TBC1D30: variants seen among roughly 807,000 people sequenced by gnomAD.
The protein encoded by TBC1D30 is TBC1 domain family member 30, also known as TBC1 domain family, member 30.
Under a neutral mutation model 63.2 loss-of-function variants are expected in TBC1D30, and 31 were observed. That is an observed-to-expected ratio of 0.49 (90% CI 0.37 to 0.66). The LOEUF is 0.66. Ranked by LOEUF, TBC1D30 falls within the 30% of genes least tolerant of loss-of-function variation. TBC1D30 has a pLI of 0.00. For synonymous variants in TBC1D30, 307 were observed against 361.5 expected (o/e 0.85, Z 1.71); for missense variants, 810 against 953.6 (o/e 0.85, Z 1.98).
intron 8 of TBC1D30, among the ~76,000 whole-genome samples, chr12:64,854,204 T>C (rs775455076): frequency 6.6e-6 from 1 of 152,220 alleles, no homozygotes; most frequent in Non-Finnish European, 1.5e-5. Flanking sequence ...GATTTTTCTC[T>C]GGTGGTGTGC....
intron 8 of TBC1D30, among the ~76,000 whole-genome samples, chr12:64,855,567 C>T (rs1445037883): frequency 2.0e-5 from 3 of 152,110 alleles, no homozygotes; most frequent in Admixed American, 6.5e-5. Flanking sequence ...AGCCTGTCTT[C>T]AAGCTCACTA....
upstream of TBC1D30, among the ~76,000 whole-genome samples, chr12:64,779,846 G>A (rs1034488722): frequency 6.6e-6 from 1 of 152,188 alleles, no homozygotes; most frequent in Non-Finnish European, 1.5e-5. Flanking sequence ...GTTAAAGTGA[G>A]GATTAAGTGG....
At chr12:64,840,777 G>T (rs1466504860) in intron 7 of TBC1D30, among the ~76,000 whole-genome samples, 3 of 152,158 alleles carry the variant, frequency 2.0e-5, no homozygotes, top group African/African-American at 7.2e-5. Context: ...ATAATAAATG[G>T]CTGGTCTTTT....
intron 2 of TBC1D30, among the ~76,000 whole-genome samples, chr12:64,794,793 C>G (rs1872153241): frequency 6.6e-6 from 1 of 152,078 alleles, no homozygotes; most frequent in African/African-American, 2.4e-5. Flanking sequence ...GATTTATTTC[C>G]TTGGAGATTA....
intron 9 of TBC1D30, among the ~76,000 whole-genome samples, chr12:64,865,237 T>C (rs2136460524): frequency 7.0e-6 from 1 of 142,820 alleles, no homozygotes; most frequent in East Asian, 2.0e-4. Context: ...AAAATGAGAG[T>C]CAGACCTCAT....
At chr12:64,778,643 G>A (rs1235905449), upstream of TBC1D30, among the ~76,000 whole-genome samples, 3 of 134,492 alleles carry the variant, frequency 2.2e-5, no homozygotes, top group South Asian at 2.6e-4. Context: ...TGCAACCTCC[G>A]CCTCCTGGGT....
At chr12:64,771,141 A>G (rs971591035) in intron 1 of TBC1D30, among the ~76,000 whole-genome samples, 2 of 152,036 alleles carry the variant, frequency 1.3e-5, no homozygotes, top group Non-Finnish European at 2.9e-5. Context: ...TCCTGGTAGC[A>G]GGTCCTAGCT....
At chr12:64,815,838 G>A (rs781477756) in intron 2 of TBC1D30, among the ~76,000 whole-genome samples, 9 of 151,680 alleles carry the variant, frequency 5.9e-5, no homozygotes, top group Non-Finnish European at 1.2e-4. Flanking sequence ...AAGGCTGGTA[G>A]TATGGTGATG....
chr12:64,786,072 T>G, intron 2 of TBC1D30: 1 of 1,270,304 alleles, frequency 7.9e-7, no homozygotes, highest in Non-Finnish European at 1.0e-6. Context: ...GGTTACTTCT[T>G]TTGCCACATG....
chr12:64,838,695 C>T lies in TBC1D30; in HGVS notation c.776C>T (p.Pro259Leu). The T allele has an allele frequency of 6.5e-7, 1 of 1,536,450 alleles. No individual in the cohort carries two copies. The highest frequency in any genetic ancestry group is 2.4e-5 in the East Asian group (1 of 40,904). The change falls in exon 7 of 12, where the codon CCC becomes CTC. Residue 259 changes from proline (P) to leucine (L), a missense_variant. Physicochemically the swap from Pro to Leu is moderately conservative, Grantham distance 98. Coordinates refer to ENST00000539867, the MANE Select transcript of TBC1D30 (RefSeq NM_015279.2). ...ANKESGGGYEPPLTNVFTMQW... is the reference protein window; with the variant it reads ...ANKESGGGYELPLTNVFTMQW... ...TGTTTTATTTCAGGTGGATATGAGCCCCCACTTACAAATGTCTTCACGATG... is the reference window on the plus strand; with the variant it reads ...TGTTTTATTTCAGGTGGATATGAGCTCCCACTTACAAATGTCTTCACGATG...
intron 2 of TBC1D30, among the ~76,000 whole-genome samples, chr12:64,793,489 CAAAAAA>C (rs56138627): frequency 8.7e-6 from 1 of 115,490 alleles, no homozygotes. Context: ...ACCAAAAATA[CAAAAAA>C]AAAAAAAAAA....
chr12:64,793,506 A>C (rs1872063243), intron 2 of TBC1D30, among the ~76,000 whole-genome samples: 1 of 150,946 alleles, frequency 6.6e-6, no homozygotes, highest in African/African-American at 2.4e-5. Context: ...AAAAAAAAAA[A>C]AGAATTAGCT....
chr12:64,824,290 G>T (rs562971820), upstream of TBC1D30, among the ~76,000 whole-genome samples: 1 of 152,226 alleles, frequency 6.6e-6, no homozygotes, highest in South Asian at 2.1e-4. Context: ...GGGCTGAAGC[G>T]TGTGCCTCGC....
chr12:64,800,071 A>C (rs1592560918), intron 2 of TBC1D30, among the ~76,000 whole-genome samples: 2 of 152,238 alleles, frequency 1.3e-5, no homozygotes, highest in African/African-American at 4.8e-5. Context: ...GCGTCATTAC[A>C]CTCCAGCCTG....
intron 1 of TBC1D30, among the ~76,000 whole-genome samples, chr12:64,760,918 T>C (rs545362920): frequency 1.7e-4 from 26 of 151,754 alleles, no homozygotes; most frequent in Middle Eastern, 3.4e-3. Context: ...GTAGGGGTGG[T>C]AACTCACACA....
intron 1 of TBC1D30, 97 bp from the exon 2 acceptor site, chr12:64,827,737 AT>A (rs1874486815): frequency 1.1e-6 from 1 of 874,286 alleles, no homozygotes; most frequent in African/African-American, 1.7e-5. Context: ...TTTAAAAAAA[AT>A]TGTGATGATT....
intron 10 of TBC1D30, among the ~76,000 whole-genome samples, chr12:64,869,709 T>C (rs1394207590): frequency 6.6e-6 from 1 of 152,192 alleles, no homozygotes; most frequent in East Asian, 1.9e-4. Context: ...TTAGTCTTTC[T>C]TGTTGATTTT....
At chr12:64,788,046 A>AT in intron 2 of TBC1D30, among the ~76,000 whole-genome samples, 1 of 152,238 alleles carries the variant, frequency 6.6e-6, no homozygotes, top group African/African-American at 2.4e-5. Context: ...AAAAAAAAAA[A>AT]GAAAGAGTGC....
At chr12:64,797,028 CAAAAAAAAAAAAAAA>C (rs552416081) in intron 2 of TBC1D30, among the ~76,000 whole-genome samples, 1 of 75,136 alleles carries the variant, frequency 1.3e-5, no homozygotes, top group African/African-American at 5.3e-5. Context: ...TTCTCCTCTG[CAAAAAAAAAAAAAAA>C]AAAAAAAAAA....
Sources: allele counts gnomAD v4.1 joint callset (sites outside exome capture counted in the v4.1 genomes callset), GRCh38; gene constraint gnomAD v4.1.1; transcripts MANE v1.5; gene names NCBI Gene and HGNC (gene_info 2026-07-23, HGNC 2026-07-21).